The following ZDHHC21 variants were observed in gnomAD, a reference collection of about 807,000 sequenced individuals.
ZDHHC21 encodes palmitoyltransferase ZDHHC21.
Under a neutral mutation model 34.6 loss-of-function variants are expected in ZDHHC21, and 15 were observed. That is an observed-to-expected ratio of 0.43 (90% CI 0.29 to 0.67). The LOEUF (loss-of-function observed/expected upper bound fraction) is 0.67, where lower values mean the gene tolerates loss of function less well. Among genes scored for constraint, ZDHHC21 ranks in the 30% least tolerant of loss-of-function variants. The pLI, the probability that ZDHHC21 is intolerant of heterozygous loss-of-function variation, is 0.14. For missense variants in ZDHHC21, 344 were observed against 327.7 expected, an observed-to-expected ratio of 1.05 and a Z score of -0.38; for synonymous variants, 142 against 101.8, an observed-to-expected ratio of 1.40 and a Z score of -2.38.
chr9:14,640,009 G>C lies in ZDHHC21; in HGVS notation c.508C>G (p.Leu170Val). ...FLPLKKRNLD[L>V]FVFRHELAIM... ...GCCAATTCATGTCTAAAAACAAAGA[G>C]GTCCTAAAAAGAAAAAGAAAGTCTT... Residue 170 changes from leucine (L) to valine (V), a missense_variant, in exon 8 of 10, where the codon CTC becomes GTC. By Grantham distance (32) the Leu-to-Val change is conservative. Coordinates refer to ENST00000380916, the MANE Select transcript of ZDHHC21 (RefSeq NM_178566.6). 6.3e-7 allele frequency: 1 copy of C among 1,583,880 alleles called. No individual in the cohort carries two copies. The highest frequency in any genetic ancestry group is 8.6e-7 in the Non-Finnish European group (1 of 1,163,340).
At chr9:14,688,791 G>A (rs1587504597) in intron 2 of ZDHHC21, among the ~76,000 whole-genome samples, 1 of 152,182 alleles carries the variant, frequency 6.6e-6, no homozygotes, top group Non-Finnish European at 1.5e-5. Flanking sequence ...GAACCCGGGA[G>A]GCGGAGGTTG....
At chr9:14,684,639 A>G (rs1837985623) in intron 2 of ZDHHC21, among the ~76,000 whole-genome samples, 1 of 152,062 alleles carries the variant, frequency 6.6e-6, no homozygotes, top group Non-Finnish European at 1.5e-5. Flanking sequence ...AAGGTAATTT[A>G]CAGATTCAAT....
chr9:14,596,191 A>G, the ZDHHC21 span, among the ~76,000 whole-genome samples: 1 of 152,360 alleles, frequency 6.6e-6, no homozygotes, highest in Non-Finnish European at 1.5e-5. Flanking sequence ...TGAATCGATA[A>G]CAAATTGAAG....
chr9:14,619,767 A>C lies in ZDHHC21; in HGVS notation c.622-85T>G, dbSNP rs371766601. 7.5e-5 allele frequency: 59 copies of C among 784,234 alleles called. No homozygotes were observed. The East Asian group carries it at 1.8e-3, about 23-fold the overall frequency. The allele number at this position is 784,234 out of a possible 1,614,324, so 48.6% of individuals were successfully genotyped here. A position where few individuals can be genotyped will look rare whatever the true frequency, so the allele number is the denominator to read the frequency against. On this transcript the variant is annotated intron_variant, in intron 8 of 9. Transcript: ENST00000380916. ...TCCACTCTATCATGTTTTTAATCTT[A>C]TTCCAAAAATATTCTATAGATTTAA...
At chr9:14,636,149 C>A (rs1828266366) in intron 8 of ZDHHC21, among the ~76,000 whole-genome samples, 1 of 151,992 alleles carries the variant, frequency 6.6e-6, no homozygotes, top group South Asian at 2.1e-4. Context: ...AAACATGACA[C>A]AACAATATGC....
chr9:14,679,739 AATTAATATTTTTAAAAATGAAGT>A (rs1483452613), intron 3 of ZDHHC21, among the ~76,000 whole-genome samples: 6 of 152,278 alleles, frequency 3.9e-5, no homozygotes, highest in East Asian at 3.9e-4. Flanking sequence ...ATGCTTTTAA[AATTAATATTTTTAAAAATGAAGT>A]ACAGAAGGAT....
chr9:14,604,869 T>C, the ZDHHC21 span, among the ~76,000 whole-genome samples: 1 of 152,128 alleles, frequency 6.6e-6, no homozygotes, highest in Admixed American at 6.6e-5. Flanking sequence ...TGAACAGCAG[T>C]TCCCCAATTC....
intron 8 of ZDHHC21, among the ~76,000 whole-genome samples, chr9:14,620,626 T>C (rs905409635): frequency 2.6e-5 from 4 of 152,006 alleles, no homozygotes; most frequent in African/African-American, 9.7e-5. Flanking sequence ...CAAGAACTTA[T>C]TTGGCTGCAA....
At chr9:14,642,175 T>TA (rs572530533) in intron 7 of ZDHHC21, among the ~76,000 whole-genome samples, 4 of 152,178 alleles carry the variant, frequency 2.6e-5, no homozygotes, top group African/African-American at 2.4e-5. Flanking sequence ...AATACAGTAG[T>TA]AAAAAAACTT....
downstream of ZDHHC21, among the ~76,000 whole-genome samples, chr9:14,609,095 C>G (rs1823116138): frequency 2.4e-5 from 1 of 42,406 alleles, no homozygotes; most frequent in African/African-American, 6.8e-5. Context: ...CCTCCCCAAA[C>G]AAAGCCAAAT....
intron 6 of ZDHHC21, among the ~76,000 whole-genome samples, chr9:14,659,102 G>T (rs1256296865): frequency 1.3e-5 from 2 of 152,172 alleles, no homozygotes; most frequent in Non-Finnish European, 2.9e-5. Flanking sequence ...GTCCACATAT[G>T]TGATCCCCCT....
At chr9:14,661,598 T>G (rs1182138976) in intron 6 of ZDHHC21, among the ~76,000 whole-genome samples, 2 of 152,216 alleles carry the variant, frequency 1.3e-5, no homozygotes, top group Non-Finnish European at 2.9e-5. Context: ...ACGCAGCATT[T>G]GTTTTCGAAG....
At chr9:14,666,654 A>G (rs1329638311) in intron 5 of ZDHHC21, among the ~76,000 whole-genome samples, 4 of 109,892 alleles carry the variant, frequency 3.6e-5, no homozygotes, top group Admixed American at 8.9e-5. Context: ...ACTGTCTCTC[A>G]GACCACAGTG....
rs1455771881 is a variant in ZDHHC21 at position 14,611,504 on chromosome 9, A to T, written c.*7462T>A. ...ACAATGCAAGGAAAACAGCACTCAGATCTATACATATTATGTACTGAATAA... is the reference window on the plus strand; with the variant it reads ...ACAATGCAAGGAAAACAGCACTCAGTTCTATACATATTATGTACTGAATAA... On this transcript the variant is annotated 3_prime_UTR_variant, in exon 10 of 10. Coordinates refer to ENST00000380916, the MANE Select transcript of ZDHHC21 (RefSeq NM_178566.6). 2 of 152,046 alleles carry T rather than the reference A, an allele frequency of 1.3e-5. No individual in the cohort carries two copies. The highest frequency in any genetic ancestry group is 4.8e-5 in the African/African-American group (2 of 41,442). The allele number at this position is 152,046 out of a possible 1,614,324, so 9.4% of individuals were successfully genotyped here.
At chr9:14,657,378 A>G (rs1211979468) in intron 7 of ZDHHC21, among the ~76,000 whole-genome samples, 1 of 152,160 alleles carries the variant, frequency 6.6e-6, no homozygotes, top group African/African-American at 2.4e-5. Context: ...TTTTCAGTGG[A>G]AGAAAATTAC....
chr9:14,598,431 T>C, the ZDHHC21 span, among the ~76,000 whole-genome samples: 6 of 152,112 alleles, frequency 3.9e-5, no homozygotes, highest in African/African-American at 1.4e-4. Flanking sequence ...ACCAACACTA[T>C]AGATACATCT....
the ZDHHC21 span, among the ~76,000 whole-genome samples, chr9:14,595,350 A>C: frequency 6.6e-6 from 1 of 152,258 alleles, no homozygotes; most frequent in Non-Finnish European, 1.5e-5. Flanking sequence ...GATTACGGAC[A>C]CATGGTACAA....
chr9:14,686,184 C>G (rs750536295), intron 2 of ZDHHC21, among the ~76,000 whole-genome samples: 28 of 150,914 alleles, frequency 1.9e-4, no homozygotes, highest in East Asian at 3.9e-4. Context: ...GCACATGTAC[C>G]CTAGAACTTA....
chr9:14,629,149 T>C (rs1252830279), intron 8 of ZDHHC21, among the ~76,000 whole-genome samples: 1 of 152,218 alleles, frequency 6.6e-6, no homozygotes, highest in Non-Finnish European at 1.5e-5. Context: ...TTGATTGTTT[T>C]ACAGAGGTGT....
Sources: gnomAD v4.1 joint callset for allele counts (sites outside exome capture counted in the v4.1 genomes callset) on GRCh38, gnomAD v4.1.1 for gene constraint, MANE v1.5 for transcripts, NCBI Gene and HGNC (gene_info 2026-07-23, HGNC 2026-07-21) for gene names.